Variants in TRIB2 observed in about 807,000 individuals in gnomAD.
TRIB2 encodes tribbles homolog 2.
In TRIB2, 2 loss-of-function variants were observed where a neutral mutation model predicts 26.8. The ratio of observed to expected loss-of-function variants is 0.07; its 90% CI spans 0.03 to 0.24. The LOEUF is 0.24. TRIB2 is among the 10% of genes least tolerant of loss of function. The pLI is 1.00. For synonymous variants in TRIB2, 189 were observed against 187.3 expected, an observed-to-expected ratio of 1.01 and a Z score of -0.08; for missense variants, 306 against 449.0, an observed-to-expected ratio of 0.68 and a Z score of 2.88.
At chr2:12,719,274 C>T (rs1012254764) in intron 1 of TRIB2, among the ~76,000 whole-genome samples, 5 of 152,038 alleles carry the variant, frequency 3.3e-5, no homozygotes, top group Admixed American at 2.0e-4. Context: ...TCTTCCGTGC[C>T]CCCCTGAACA....
intron 2 of TRIB2, among the ~76,000 whole-genome samples, chr2:12,735,075 C>G (rs1444874407): frequency 6.6e-6 from 1 of 152,184 alleles, no homozygotes. Context: ...AGCTGACACT[C>G]ACCCCCGCCT....
chr2:12,724,072 C>T (rs1034982591), intron 2 of TRIB2, among the ~76,000 whole-genome samples: 1 of 152,090 alleles, frequency 6.6e-6, no homozygotes, highest in African/African-American at 2.4e-5. Context: ...AATAGAGGTC[C>T]GTGCTGGGTG....
Position 12,718,178 on chromosome 2 carries a change from C to A in TRIB2, c.-130C>A. 8.0e-7 allele frequency: 1 copy of A among 1,246,754 alleles called. No homozygotes were observed. The highest frequency in any genetic ancestry group is 1.1e-6 in the Non-Finnish European group (1 of 921,988). 77.2% of individuals were successfully genotyped at this position (1,246,754 alleles called of 1,614,324 possible). A position where few individuals can be genotyped will look rare whatever the true frequency, so the allele number is the denominator to read the frequency against. On this transcript the variant is annotated 5_prime_UTR_variant, in exon 1 of 3. Transcript: ENST00000155926. The surrounding 1 kb of genome is among the most constrained non-coding windows in gnomAD (Gnocchi z 4.0). ...GCTTCTAACTCTTTCTCCACGCAGC[C>A]CCTCTTCTGTCCCCTCCCCTCTCGC...
At chr2:12,728,322 C>T (rs1243529697) in intron 2 of TRIB2, among the ~76,000 whole-genome samples, 2 of 95,288 alleles carry the variant, frequency 2.1e-5, no homozygotes, top group Admixed American at 8.7e-5. Flanking sequence ...TGATGGAAGC[C>T]TCCTCTGCAC....
chr2:12,719,462 G>A (rs567720426), intron 1 of TRIB2, among the ~76,000 whole-genome samples: 1 of 152,056 alleles, frequency 6.6e-6, no homozygotes, highest in South Asian at 2.1e-4. Context: ...CCAGACAAGT[G>A]GATGAGGGGC....
At chr2:12,739,400 C>T (rs1661659420) in intron 2 of TRIB2, among the ~76,000 whole-genome samples, 1 of 152,210 alleles carries the variant, frequency 6.6e-6, no homozygotes, top group Admixed American at 6.5e-5. Context: ...TCTGGGATTA[C>T]AGGTGTGCAC....
At chr2:12,724,525 A>T in intron 2 of TRIB2, 1 of 1,516,832 alleles carries the variant, frequency 6.6e-7, no homozygotes, top group Non-Finnish European at 8.8e-7. Flanking sequence ...TCATATCTTG[A>T]TCTTTGCTTG....
chr2:12,720,988 C>T (rs970918587), intron 1 of TRIB2, among the ~76,000 whole-genome samples: 5 of 152,108 alleles, frequency 3.3e-5, no homozygotes, highest in Non-Finnish European at 7.4e-5. Flanking sequence ...TGAACTGTCA[C>T]ATTACATAAC....
rs13019538 is a variant in TRIB2, at chr2:12,732,586, C to G, written c.564-7740C>G. Among the ~76,000 whole-genome samples, 1 of 152,040 alleles carries G rather than the reference C, an allele frequency of 6.6e-6. No homozygotes were observed. Among genetic ancestry groups the G allele is most frequent in the Non-Finnish European group, 1.5e-5 (1 of 67,984 alleles). On this transcript the variant is annotated intron_variant, in intron 2 of 2. Transcript: ENST00000155926. This position sits in a 1 kb window ranked among gnomAD's most constrained non-coding sequence, Gnocchi z 4.2. ...TTCACTGACTCTCCAAGACTTGGTGCAGAGGTGGCTCTCAGAGGTGACTGT... is the reference window on the plus strand; with the variant it reads ...TTCACTGACTCTCCAAGACTTGGTGGAGAGGTGGCTCTCAGAGGTGACTGT...
At chr2:12,727,520 G>T (rs933403941) in intron 2 of TRIB2, among the ~76,000 whole-genome samples, 5 of 152,152 alleles carry the variant, frequency 3.3e-5, no homozygotes, top group Admixed American at 6.5e-5. Flanking sequence ...GGAACCTGAG[G>T]CTCAGAAAGG....
At chr2:12,734,934 G>A (rs1439796983) in intron 2 of TRIB2, among the ~76,000 whole-genome samples, 1 of 152,126 alleles carries the variant, frequency 6.6e-6, no homozygotes, top group Non-Finnish European at 1.5e-5. Context: ...ATGTGCTAGA[G>A]CCCCACCAGG....
rs988078144 is a variant in TRIB2, at chr2:12,732,907, C to T, written c.564-7419C>T. 4.6e-5 allele frequency among the ~76,000 whole-genome samples: 7 copies of T among 152,166 alleles called. No individual in the cohort carries two copies. Among genetic ancestry groups the T allele is most frequent in the Admixed American group, 2.6e-4 (4 of 15,282 alleles). On this transcript the variant is annotated intron_variant, in intron 2 of 2. Transcript: ENST00000155926. The surrounding 1 kb of genome is among the most constrained non-coding windows in gnomAD (Gnocchi z 4.2). ...TATCTGGACCGCCTGACTGGACGGCCTTCAGTGACTTCTCTGGATTTCACT... is the reference window on the plus strand; with the variant it reads ...TATCTGGACCGCCTGACTGGACGGCTTTCAGTGACTTCTCTGGATTTCACT...
At position 12,718,454 on chromosome 2, in the gene TRIB2, C is replaced by T. The variant is rs1666649937; in HGVS notation, c.147C>T (p.Pro49=). 1 of 1,614,228 alleles carries T rather than the reference C, an allele frequency of 6.2e-7. No homozygotes were observed. The highest frequency in any genetic ancestry group is 8.5e-7 in the Non-Finnish European group (1 of 1,180,044). Residue 49 remains proline (P), a synonymous_variant, in exon 1 of 3, where the codon CCC becomes CCT. Coordinates refer to ENST00000155926, the MANE Select transcript of TRIB2 (RefSeq NM_021643.4). The surrounding 1 kb of genome is among the most constrained non-coding windows in gnomAD (Gnocchi z 4.0). ...FSPNLGSPSP[P]ETPNLSHCVS... is the part of the protein sequence containing the mutation. ...CGAACCTCGGCTCCCCGAGCCCGCC[C>T]GAGACTCCGAACTTGTCGCATTGCG...
rs113545418 is a variant in TRIB2 at position 12,730,253 on chromosome 2, C to T, written c.563+6701C>T. On this transcript the variant is annotated intron_variant, in intron 2 of 2. Coordinates refer to ENST00000155926, the MANE Select transcript of TRIB2 (RefSeq NM_021643.4). ...CAATTTAAACCCAGTGAGTAAGATA[C>T]TCTTATTTTCACCATTTTACAGATA... 6.4e-3 allele frequency among the ~76,000 whole-genome samples: 978 copies of T among 152,268 alleles called. 12 individuals carry two copies. The highest frequency in any genetic ancestry group is 0.022 in the African/African-American group (923 of 41,542).
chr2:12,730,646 G>C (rs2103255053), intron 2 of TRIB2, among the ~76,000 whole-genome samples: 1 of 152,230 alleles, frequency 6.6e-6, no homozygotes, highest in Middle Eastern at 3.4e-3. Flanking sequence ...ACTATACAAT[G>C]GGCTTCATTT....
intron 1 of TRIB2, among the ~76,000 whole-genome samples, chr2:12,720,619 T>C (rs1360440898): frequency 3.9e-5 from 6 of 152,218 alleles, no homozygotes; most frequent in Admixed American, 3.9e-4. Flanking sequence ...TTTTGATGTC[T>C]TAGAATAGAA....
intron 2 of TRIB2, 80 bp downstream of exon 2, chr2:12,723,632 C>A (rs1000513258): frequency 3.3e-5 from 49 of 1,501,854 alleles, no homozygotes; most frequent in Middle Eastern, 2.4e-4. Flanking sequence ...CTTGAATGGA[C>A]GTTTTTTTGC....
At chr2:12,727,453 CTGTT>C (rs373072230) in intron 2 of TRIB2, among the ~76,000 whole-genome samples, 35 of 152,328 alleles carry the variant, frequency 2.3e-4, no homozygotes, top group African/African-American at 7.9e-4. Context: ...ATTCTCCTCT[CTGTT>C]TGGTTTAATT....
chr2:12,738,127 T>TGG lies in TRIB2; in HGVS notation c.564-2199_564-2198insGG, dbSNP rs1661623541. Among the ~76,000 whole-genome samples, 4 of 152,322 alleles carry TGG rather than the reference T, an allele frequency of 2.6e-5. No homozygotes were observed. The South Asian group carries it at 8.3e-4, about 32-fold the overall frequency. On this transcript the variant is annotated intron_variant, in intron 2 of 2. Coordinates refer to ENST00000155926, the MANE Select transcript of TRIB2 (RefSeq NM_021643.4). ...AGTCAACCCAGGATTTCACTAAACC[T>TGG]TTTGCTGTAGAGAACTCCCAGCAGC...
Sources: gnomAD v4.1 joint callset for allele counts (sites outside exome capture counted in the v4.1 genomes callset) on GRCh38, gnomAD v4.1.1 for gene constraint, Gnocchi (gnomAD v3.1) non-coding constraint, MANE v1.5 for transcripts, NCBI Gene and HGNC (gene_info 2026-07-23, HGNC 2026-07-21) for gene names.